The following CTDSPL2 variants were observed in gnomAD, a reference collection of about 807,000 sequenced individuals.
CTDSPL2 encodes the protein CTD small phosphatase like 2.
A neutral mutation model predicts 60.0 loss-of-function variants in CTDSPL2; 5 were observed. The ratio of observed to expected loss-of-function variants is 0.08; its 90% CI spans 0.04 to 0.18. The LOEUF is 0.18. CTDSPL2 is among the 10% of genes least tolerant of loss of function. The probability of loss-of-function intolerance (pLI) is 1.00; values close to 1 mark genes in which losing one functional copy is unlikely to be tolerated. For synonymous variants in CTDSPL2, 186 were observed against 189.3 expected, an observed-to-expected ratio of 0.98 and a Z score of 0.14; for missense variants, 370 against 548.8, an observed-to-expected ratio of 0.67 and a Z score of 3.26.
At chr15:44,492,681 T>C (rs2081236890) in intron 5 of CTDSPL2, among the ~76,000 whole-genome samples, 1 of 152,106 alleles carries the variant, frequency 6.6e-6, no homozygotes, top group Admixed American at 6.5e-5. Context: ...AGCAGCAAAA[T>C]AGGTTTATTT....
At chr15:44,516,931 C>G (rs1320831781) in intron 10 of CTDSPL2, 1 of 152,034 alleles carries the variant, frequency 6.6e-6, no homozygotes. Context: ...ACTCGGCCTC[C>G]CAGATTCAAG....
At chr15:44,518,059 G>T (rs2081690230) in intron 10 of CTDSPL2, among the ~76,000 whole-genome samples, 1 of 152,098 alleles carries the variant, frequency 6.6e-6, no homozygotes, top group Non-Finnish European at 1.5e-5. Flanking sequence ...TTTTAAGGTT[G>T]AGTTTTTATT....
chr15:44,485,943 A>G (rs1382734443), intron 3 of CTDSPL2, among the ~76,000 whole-genome samples: 1 of 152,216 alleles, frequency 6.6e-6, no homozygotes, highest in Non-Finnish European at 1.5e-5. Flanking sequence ...TAATTAGAAC[A>G]GTTGATTGAT....
At chr15:44,485,477 T>TC (rs1567087004) in intron 3 of CTDSPL2, among the ~76,000 whole-genome samples, 2 of 152,206 alleles carry the variant, frequency 1.3e-5, no homozygotes, top group Non-Finnish European at 2.9e-5. Context: ...CAGACATTAG[T>TC]TAGATTCTCA....
intron 2 of CTDSPL2, among the ~76,000 whole-genome samples, chr15:44,476,071 A>ATT (rs199792210): frequency 6.6e-6 from 1 of 151,296 alleles, no homozygotes; most frequent in Non-Finnish European, 1.5e-5. Flanking sequence ...AAAAAGTTAC[A>ATT]TTTTTTTTTA....
chr15:44,474,371 G>A (rs2140750996), intron 2 of CTDSPL2, among the ~76,000 whole-genome samples: 1 of 152,228 alleles, frequency 6.6e-6, no homozygotes, highest in Non-Finnish European at 1.5e-5. Flanking sequence ...CACGCCTGTA[G>A]TCCCTGCTAC....
chr15:44,466,822 C>T (rs2080705382), intron 2 of CTDSPL2, among the ~76,000 whole-genome samples: 1 of 151,946 alleles, frequency 6.6e-6, no homozygotes, highest in African/African-American at 2.4e-5. Flanking sequence ...GCCTGTAGTC[C>T]CAGCTACTCA....
chr15:44,473,143 G>T (rs959927962), intron 2 of CTDSPL2, among the ~76,000 whole-genome samples: 1 of 152,022 alleles, frequency 6.6e-6, no homozygotes, highest in African/African-American at 2.4e-5. Flanking sequence ...TCAGAGATAT[G>T]CAAATATTTT....
In CTDSPL2 at chr15:44,497,051, G is replaced by T. The variant is rs372317002; in HGVS notation, c.795G>T (p.Pro265=). ...GCTATTATTTCATCAAACATGTCCC[G>T]CCACTGACAGAAGAACAACTAAATA... ...FDPYYFIKHV[P]PLTEEQLNRK... is the part of the protein sequence containing the mutation. The change falls in exon 7 of 13, where the codon CCG becomes CCT. Residue 265 remains proline, a synonymous_variant. Coordinates refer to ENST00000260327, the MANE Select transcript of CTDSPL2 (RefSeq NM_016396.3). 1 of 1,605,878 alleles carries T rather than the reference G, an allele frequency of 6.2e-7. No homozygotes were observed. Among genetic ancestry groups the T allele is most frequent in the Non-Finnish European group, 8.5e-7 (1 of 1,174,602 alleles).
At chr15:44,507,067 T>G (rs2081481491) in intron 8 of CTDSPL2, among the ~76,000 whole-genome samples, 1 of 144,052 alleles carries the variant, frequency 6.9e-6, no homozygotes. Flanking sequence ...GCGCCTGGCT[T>G]TTTTTGTTTG....
chr15:44,453,087 G>A (rs937682232), intron 1 of CTDSPL2, among the ~76,000 whole-genome samples: 2 of 151,992 alleles, frequency 1.3e-5, no homozygotes, highest in African/African-American at 4.8e-5. Flanking sequence ...TATGTCATTT[G>A]CAAAGAGATA....
At chr15:44,482,605 G>T (rs1263478906) in intron 2 of CTDSPL2, among the ~76,000 whole-genome samples, 2 of 152,100 alleles carry the variant, frequency 1.3e-5, no homozygotes, top group Non-Finnish European at 2.9e-5. Flanking sequence ...GTGATAGGAG[G>T]CTCCCTGATC....
At chr15:44,476,699 G>A (rs1014810341) in intron 2 of CTDSPL2, among the ~76,000 whole-genome samples, 2 of 152,144 alleles carry the variant, frequency 1.3e-5, no homozygotes, top group African/African-American at 2.4e-5. Context: ...TGCCTAGAGC[G>A]ATAGGTGTGT....
At chr15:44,511,975 G>GT (rs1384056914) in intron 8 of CTDSPL2, among the ~76,000 whole-genome samples, 1 of 151,532 alleles carries the variant, frequency 6.6e-6, no homozygotes, top group African/African-American at 2.4e-5. Context: ...TTGCTTGAGC[G>GT]TAAGAGTTTG....
chr15:44,496,677 G>T (rs960819405), intron 6 of CTDSPL2, among the ~76,000 whole-genome samples: 4 of 152,062 alleles, frequency 2.6e-5, no homozygotes, highest in African/African-American at 9.7e-5. Context: ...CCTGGGCAAC[G>T]TGGCAAAACC....
In CTDSPL2 at chr15:44,474,278, C is replaced by G. The variant is rs1015333896; in HGVS notation, c.187-9946C>G. On this transcript the variant is annotated intron_variant, in intron 2 of 12. Coordinates refer to ENST00000260327, the MANE Select transcript of CTDSPL2 (RefSeq NM_016396.3). ...AAGGGCAGAGGGTGGATTGCCTGAG[C>G]TCAGGAGTTCAAGACCAGCTTGGGC... 3.9e-5 allele frequency among the ~76,000 whole-genome samples: 6 copies of G among 152,232 alleles called. No individual in the cohort carries two copies. The South Asian group carries it at 6.2e-4, about 16-fold the overall frequency.
intron 12 of CTDSPL2, 111 bp from the exon 13 acceptor site, chr15:44,523,998 T>C: frequency 1.3e-6 from 1 of 773,770 alleles, no homozygotes; most frequent in South Asian, 1.6e-5. Context: ...AAATAAAATA[T>C]GTCATAAAAT....
intron 11 of CTDSPL2, 57 bp from the exon 12 acceptor site, chr15:44,521,254 T>C (rs942882344): frequency 1.1e-6 from 1 of 876,086 alleles, no homozygotes; most frequent in African/African-American, 1.8e-5. Context: ...TTTAACTTTT[T>C]CCAAACTAGG....
At chr15:44,432,011 A>T (rs2079870787) in intron 1 of CTDSPL2, among the ~76,000 whole-genome samples, 1 of 151,966 alleles carries the variant, frequency 6.6e-6, no homozygotes, top group Non-Finnish European at 1.5e-5. Flanking sequence ...GGTGTGAGCC[A>T]CCGCGCCTGG....
Sources: allele counts gnomAD v4.1 joint callset (sites outside exome capture counted in the v4.1 genomes callset), GRCh38; gene constraint gnomAD v4.1.1; transcripts MANE v1.5; gene names NCBI Gene and HGNC (gene_info 2026-07-23, HGNC 2026-07-21).